NF1: variants seen among roughly 807,000 people sequenced by gnomAD.
The protein encoded by NF1 is neurofibromin 1, also known as neurofibromin.
Under a neutral mutation model 325.7 loss-of-function variants are expected in NF1, and 122 were observed. The ratio of observed to expected loss-of-function variants is 0.37; its 90% confidence interval spans 0.32 to 0.44. The LOEUF is 0.44. Ranked by LOEUF, NF1 falls within the 20% of genes least tolerant of loss-of-function variation. The pLI is 1.00. For missense variants in NF1, 2,140 were observed against 3,415.4 expected (o/e 0.63, Z 9.31); for synonymous variants, 1,091 against 1,186.0 (o/e 0.92, Z 1.65).
intron 8 of NF1, chr17:31,182,958 C>T: frequency 1.7e-6 from 1 of 587,110 alleles, no homozygotes; most frequent in East Asian, 2.8e-5. Context: ...AACGTAGTTT[C>T]TCTAATATTC....
intron 12 of NF1, among the ~76,000 whole-genome samples, chr17:31,212,236 G>GT (rs1392275088): frequency 6.6e-6 from 1 of 152,172 alleles, no homozygotes; most frequent in Non-Finnish European, 1.5e-5. Flanking sequence ...ATCAATCAGT[G>GT]TTACTGTCTT....
intron 2 of NF1, among the ~76,000 whole-genome samples, chr17:31,157,147 C>T (rs574413289): frequency 3.9e-5 from 6 of 152,106 alleles, no homozygotes; most frequent in East Asian, 3.9e-4. Context: ...CCACCATGCT[C>T]GGCTAATTTT....
intron 8 of NF1, among the ~76,000 whole-genome samples, chr17:31,187,097 A>G (rs1175509587): frequency 6.6e-6 from 1 of 152,158 alleles, no homozygotes; most frequent in Non-Finnish European, 1.5e-5. Flanking sequence ...CAAAGGCCTT[A>G]CCCACCATCA....
At chr17:31,315,319 A>G (rs1329275893) in intron 36 of NF1, among the ~76,000 whole-genome samples, 3 of 152,166 alleles carry the variant, frequency 2.0e-5, no homozygotes, top group African/African-American at 7.2e-5. Flanking sequence ...AAAACAATAG[A>G]AAGAATGAAT....
chr17:31,372,572 C>T (rs954432137), intron 57 of NF1, among the ~76,000 whole-genome samples: 5 of 152,264 alleles, frequency 3.3e-5, no homozygotes, highest in Admixed American at 1.3e-4. Context: ...CCCAAGAAGC[C>T]ATCCTCATGC....
At chr17:31,182,174 A>G (rs1358769794) in intron 7 of NF1, among the ~76,000 whole-genome samples, 1 of 152,172 alleles carries the variant, frequency 6.6e-6, no homozygotes, top group Non-Finnish European at 1.5e-5. Context: ...ACTCCTGGAG[A>G]ACTTTGGTAA....
rs558458924 is a variant in NF1, at chr17:31,363,658, G to A, written c.8377+2955G>A. On this transcript the variant is annotated intron_variant, in intron 57 of 57. Transcript: ENST00000358273. ...TTATGGTGTTAGCCAGGATGATCTC[G>A]ATCTCCTGACCTCGTGATCCACCCA... 4.0e-5 allele frequency among the ~76,000 whole-genome samples: 6 copies of A among 151,218 alleles called. No individual in the cohort carries two copies. In the South Asian group the frequency reaches 6.3e-4, roughly 16 times the overall value.
At chr17:31,243,711 G>C (rs1424023316) in intron 29 of NF1, among the ~76,000 whole-genome samples, 1 of 151,218 alleles carries the variant, frequency 6.6e-6, no homozygotes, top group African/African-American at 2.4e-5. Flanking sequence ...TTAAGGCCTT[G>C]GGGCTCCCCT....
intron 36 of NF1, among the ~76,000 whole-genome samples, chr17:31,312,625 A>G (rs2052782216): frequency 6.6e-6 from 1 of 152,104 alleles, no homozygotes; most frequent in Non-Finnish European, 1.5e-5. Flanking sequence ...AATTTAATAT[A>G]ATTTTATGAC....
intron 36 of NF1, among the ~76,000 whole-genome samples, chr17:31,269,847 C>G (rs904287711): frequency 6.6e-6 from 1 of 152,194 alleles, no homozygotes; most frequent in Non-Finnish European, 1.5e-5. Context: ...AAGGCAGTCA[C>G]TATGGCAAGG....
chr17:31,195,367 C>G (rs2066416510), intron 8 of NF1, among the ~76,000 whole-genome samples: 1 of 152,084 alleles, frequency 6.6e-6, no homozygotes, highest in Non-Finnish European at 1.5e-5. Flanking sequence ...TTTTCTGTCT[C>G]TTTAAAATTT....
At chr17:31,332,374 G>GA (rs1324715342) in intron 39 of NF1, among the ~76,000 whole-genome samples, 1 of 151,970 alleles carries the variant, frequency 6.6e-6, no homozygotes, top group African/African-American at 2.4e-5. Flanking sequence ...TGAGGCAGGA[G>GA]AATTGCTTGA....
intron 1 of NF1, among the ~76,000 whole-genome samples, chr17:31,122,713 A>T (rs1014900578): frequency 1.3e-5 from 2 of 152,230 alleles, no homozygotes; most frequent in Admixed American, 6.5e-5. Context: ...TATGAAGTAT[A>T]TGGTTTGTAA....
chr17:31,160,514 A>T (rs1460451795), intron 3 of NF1, among the ~76,000 whole-genome samples: 1 of 152,204 alleles, frequency 6.6e-6, no homozygotes, highest in Non-Finnish European at 1.5e-5. Context: ...ATTTTCCGTT[A>T]ACTTGTGATA....
chr17:31,325,799 C>A, intron 36 of NF1, 21 bp from the exon 37 acceptor site: 7 of 1,599,426 alleles, frequency 4.4e-6, no homozygotes, highest in Non-Finnish European at 6.0e-6. Context: ...TAATCTTTGT[C>A]TTTTTTGTCA....
intron 9 of NF1, 138 bp from the exon 10 acceptor site, chr17:31,200,899 T>C: frequency 8.4e-7 from 1 of 1,190,780 alleles, no homozygotes; most frequent in East Asian, 2.3e-5. Flanking sequence ...TGAACCACAG[T>C]ATGGGTGCTT....
At chr17:31,173,404 C>T (rs938946917) in intron 5 of NF1, among the ~76,000 whole-genome samples, 4 of 151,716 alleles carry the variant, frequency 2.6e-5, no homozygotes, top group African/African-American at 9.7e-5. Flanking sequence ...AGTGATACTC[C>T]GTCTCTAAAT....
chr17:31,168,130 T>C (rs2065874403), intron 4 of NF1, among the ~76,000 whole-genome samples: 1 of 152,182 alleles, frequency 6.6e-6, no homozygotes, highest in Non-Finnish European at 1.5e-5. Flanking sequence ...ATTGGAAATA[T>C]GAATTTTTAA....
intron 1 of NF1, among the ~76,000 whole-genome samples, chr17:31,101,922 TGAA>T (rs1228708827): frequency 6.6e-6 from 1 of 152,210 alleles, no homozygotes; most frequent in Non-Finnish European, 1.5e-5. Flanking sequence ...GAACGCTATT[TGAA>T]TTCTCTTCTA....
Sources: allele counts gnomAD v4.1 joint callset (sites outside exome capture counted in the v4.1 genomes callset), GRCh38; gene constraint gnomAD v4.1.1; transcripts MANE v1.5; gene names NCBI Gene and HGNC (gene_info 2026-07-23, HGNC 2026-07-21).